The following LDB3 variants were observed in gnomAD, a reference collection of about 807,000 sequenced individuals.
LDB3 encodes LIM domain binding 3.
A neutral mutation model predicts 69.0 loss-of-function variants in LDB3; 49 were observed. The observed-to-expected ratio is 0.71, with a 90% CI of 0.56 to 0.90. LDB3 has a LOEUF of 0.90. Among genes scored for constraint, LDB3 ranks in the 40% least tolerant of loss-of-function variants. LDB3 has a pLI of 0.00. For missense variants in LDB3, 928 were observed against 974.1 expected (o/e 0.95, Z 0.63); for synonymous variants, 387 against 396.2 (o/e 0.98, Z 0.28).
chr10:86,705,565 A>G (rs1265381990), intron 7 of LDB3, among the ~76,000 whole-genome samples: 1 of 152,210 alleles, frequency 6.6e-6, no homozygotes, highest in Non-Finnish European at 1.5e-5. Flanking sequence ...TCTAGGGAAG[A>G]GGTGCTTACA....
chr10:86,705,877 C>T (rs1846420115), intron 7 of LDB3, among the ~76,000 whole-genome samples: 1 of 152,206 alleles, frequency 6.6e-6, no homozygotes, highest in African/African-American at 2.4e-5. Context: ...CCCTGGGGTC[C>T]TGCTGCTTCC....
intron 11 of LDB3, 99 bp downstream of exon 11, chr10:86,718,243 CAG>C (rs1394842923): frequency 1.8e-6 from 2 of 1,138,040 alleles, no homozygotes; most frequent in African/African-American, 3.0e-5. Context: ...TTGCTGGTAA[CAG>C]AGAAAGCAAC....
intron 7 of LDB3, among the ~76,000 whole-genome samples, chr10:86,693,941 G>A (rs1056937381): frequency 6.6e-6 from 1 of 152,178 alleles, no homozygotes; most frequent in Non-Finnish European, 1.5e-5. Context: ...ATCCCCCCGG[G>A]TTCCTTCCAG....
At chr10:86,702,195 C>T (rs536256120) in intron 7 of LDB3, among the ~76,000 whole-genome samples, 1 of 152,292 alleles carries the variant, frequency 6.6e-6, no homozygotes, top group South Asian at 2.1e-4. Flanking sequence ...TCTTAACTAA[C>T]ACAAGTAGCA....
chr10:86,687,222 C>A, intron 5 of LDB3: 1 of 1,614,230 alleles, frequency 6.2e-7, no homozygotes, highest in Non-Finnish European at 8.5e-7. Flanking sequence ...AGGATGCCAT[C>A]ATGGATGCCA....
At chr10:86,732,137 G>T (rs1028818682) in intron 13 of LDB3, among the ~76,000 whole-genome samples, 1 of 151,314 alleles carries the variant, frequency 6.6e-6, no homozygotes. Flanking sequence ...CAGCTACTGC[G>T]CCTGGAGTCA....
chr10:86,715,747 G>A (rs1367380249), intron 9 of LDB3, among the ~76,000 whole-genome samples: 2 of 151,886 alleles, frequency 1.3e-5, no homozygotes, highest in African/African-American at 2.4e-5. Flanking sequence ...AACCAAGACG[G>A]AATTGCCCCC....
intron 9 of LDB3, among the ~76,000 whole-genome samples, chr10:86,715,588 C>G (rs1351630832): frequency 6.6e-6 from 1 of 152,178 alleles, no homozygotes; most frequent in African/African-American, 2.4e-5. Flanking sequence ...CTCAGACACA[C>G]TCTCAGCTTC....
intron 12 of LDB3, among the ~76,000 whole-genome samples, chr10:86,722,549 C>A: frequency 7.1e-6 from 1 of 140,810 alleles, no homozygotes; most frequent in South Asian, 2.3e-4. Flanking sequence ...CGTGAGCCAC[C>A]GTGCCTGGCC....
At chr10:86,719,644 G>GAAGGC (rs1269775407) in intron 12 of LDB3, among the ~76,000 whole-genome samples, 14 of 152,206 alleles carry the variant, frequency 9.2e-5, no homozygotes, top group Admixed American at 2.6e-4. Context: ...TTAAACCAGA[G>GAAGGC]AAGGCGTGTA....
At chr10:86,682,256 T>C (rs1054433933) in intron 5 of LDB3, among the ~76,000 whole-genome samples, 4 of 152,052 alleles carry the variant, frequency 2.6e-5, no homozygotes, top group African/African-American at 4.8e-5. Flanking sequence ...AAAAGCGAGT[T>C]ATCTGGGACT....
At chr10:86,681,030 A>G (rs556109699) in intron 4 of LDB3, among the ~76,000 whole-genome samples, 17 of 152,360 alleles carry the variant, frequency 1.1e-4, no homozygotes, top group Non-Finnish European at 2.2e-4. Flanking sequence ...CAACCAGCCC[A>G]GGAACTTCAT....
chr10:86,677,967 G>C (rs12251784), intron 2 of LDB3, among the ~76,000 whole-genome samples: 2,121 of 152,300 alleles, frequency 0.014, 51 homozygotes, highest in African/African-American at 0.049. Flanking sequence ...AGTCTGAAAA[G>C]TGCTCCATAG....
At chr10:86,696,899 C>A (rs1846021910) in intron 7 of LDB3, among the ~76,000 whole-genome samples, 1 of 152,254 alleles carries the variant, frequency 6.6e-6, no homozygotes, top group South Asian at 2.1e-4. Flanking sequence ...CATGTGACCT[C>A]TCTGGGCTTC....
In LDB3 at chr10:86,714,945, T is replaced by A. The variant is rs77152097; in HGVS notation, c.1232-1382T>A. Among the ~76,000 whole-genome samples the A allele has an allele frequency of 9.6e-3, 1,460 of 152,212 alleles. 24 individuals are homozygous for A. Among genetic ancestry groups the A allele is most frequent in the African/African-American group, 0.029 (1,188 of 41,530 alleles). On this transcript the variant is annotated intron_variant, in intron 9 of 13. Transcript: ENST00000361373. ...TCTCTTCTTCCTTCAACAACATGGA[T>A]GGATCCTATCTACCTGGTCCCTACT...
At chr10:86,686,952 G>A (rs1279601228) in intron 5 of LDB3, 10 of 916,748 alleles carry the variant, frequency 1.1e-5, no homozygotes, top group East Asian at 2.4e-5. Flanking sequence ...CTCGGCTCTG[G>A]GAGATCTCTC....
At chr10:86,724,005 C>T (rs1020824156) in intron 12 of LDB3, among the ~76,000 whole-genome samples, 1 of 152,194 alleles carries the variant, frequency 6.6e-6, no homozygotes, top group Non-Finnish European at 1.5e-5. Context: ...AGTCAGTTTC[C>T]TCCCCTTTAA....
chr10:86,671,715 C>T (rs1019960356), intron 2 of LDB3, among the ~76,000 whole-genome samples: 2 of 152,170 alleles, frequency 1.3e-5, no homozygotes, highest in African/African-American at 2.4e-5. Flanking sequence ...CTCATGCCTC[C>T]GCCTTGGGGA....
chr10:86,691,950 T>A lies in LDB3; in HGVS notation c.744T>A (p.Ala248=), dbSNP rs796328941. ...AVDSASPVYQ[A]VIKSQNKPED... is the part of the protein sequence containing the mutation. ...ACAGCGCCTCTCCCGTCTACCAGGCTGTGATTAAGAGCCAGAACAAGCCAG... is the reference window on the plus strand; with the variant it reads ...ACAGCGCCTCTCCCGTCTACCAGGCAGTGATTAAGAGCCAGAACAAGCCAG... The change falls in exon 6 of 14, where the codon GCT becomes GCA. Residue 248 remains alanine (A), a synonymous_variant. Coordinates refer to ENST00000361373, the MANE Select transcript of LDB3 (RefSeq NM_007078.3). 3 of 1,614,156 alleles carry A rather than the reference T, an allele frequency of 1.9e-6. No individual in the cohort carries two copies. The highest frequency in any genetic ancestry group is 2.5e-6 in the Non-Finnish European group (3 of 1,180,040).
Sources: allele counts gnomAD v4.1 joint callset (sites outside exome capture counted in the v4.1 genomes callset), GRCh38; gene constraint gnomAD v4.1.1; transcripts MANE v1.5; gene names NCBI Gene and HGNC (gene_info 2026-07-23, HGNC 2026-07-21).